The following PIK3CA variants were observed in gnomAD, a reference collection of about 807,000 sequenced individuals.
PIK3CA encodes phosphatidylinositol-4,5-bisphosphate 3-kinase catalytic subunit alpha.
Under a neutral mutation model 138.2 loss-of-function variants are expected in PIK3CA, and 27 were observed. The observed-to-expected ratio is 0.20, with a 90% CI of 0.14 to 0.27. The LOEUF is 0.27. PIK3CA is among the 10% of genes least tolerant of loss of function. The pLI is 1.00. For missense variants in PIK3CA, 544 were observed against 1,277.4 expected, an observed-to-expected ratio of 0.43 and a Z score of 8.75; for synonymous variants, 358 against 413.2, an observed-to-expected ratio of 0.87 and a Z score of 1.62.
At chr3:179,210,912 A>T (rs1381659922) in intron 9 of PIK3CA, among the ~76,000 whole-genome samples, 1 of 152,234 alleles carries the variant, frequency 6.6e-6, no homozygotes, top group Non-Finnish European at 1.5e-5. Flanking sequence ...AAGCAGAAAT[A>T]TAAGATTACA....
chr3:179,178,190 G>T (rs1406651291), intron 1 of PIK3CA, among the ~76,000 whole-genome samples: 3 of 145,968 alleles, frequency 2.1e-5, no homozygotes, highest in African/African-American at 7.6e-5. Context: ...GGAGCTTGAG[G>T]CTGTAGTAAG....
chr3:179,234,556 C>G lies in PIK3CA; in HGVS notation c.*192C>G, dbSNP rs1725290730. 4.9e-6 allele frequency: 2 copies of G among 404,106 alleles called. No individual in the cohort carries two copies. The highest frequency in any genetic ancestry group is 4.1e-5 in the African/African-American group (2 of 48,794). The allele number at this position is 404,106 out of a possible 1,614,324, so 25.0% of individuals were successfully genotyped here. ...CAAACAGGGTTTGATAGCACTTAAA[C>G]TAGTTCATTTCAAAATTAAGCTTTA... On this transcript the variant is annotated 3_prime_UTR_variant, in exon 21 of 21. Transcript: ENST00000263967. This position sits in a 1 kb window ranked among gnomAD's most constrained non-coding sequence, Gnocchi z 5.1.
intron 1 of PIK3CA, among the ~76,000 whole-genome samples, chr3:179,192,279 T>C (rs1724154966): frequency 6.6e-6 from 1 of 152,194 alleles, no homozygotes; most frequent in South Asian, 2.1e-4. Context: ...TCTAATAGCT[T>C]TCAAGTATGT....
chr3:179,224,993 A>T (rs1336466080), intron 16 of PIK3CA, among the ~76,000 whole-genome samples, 172 bp downstream of exon 16: 1 of 152,204 alleles, frequency 6.6e-6, no homozygotes, highest in Non-Finnish European at 1.5e-5. Flanking sequence ...TGTATAATCA[A>T]TGAAAAGAAA....
rs778573303 is a variant in PIK3CA, at chr3:179,201,515, A to G, written c.788A>G (p.Glu263Gly). 5 of 1,605,094 alleles carry G rather than the reference A, an allele frequency of 3.1e-6. No individual in the cohort carries two copies. The East Asian group carries it at 1.1e-4, about 36-fold the overall frequency. ...KVCGCDEYFL[E>G]KYPLSQYKYI... is the part of the protein sequence containing the mutation. ...TGTGGATGTGATGAATACTTCCTAG[A>G]AAAATATCCTCTGAGTCAGTATAAG... The change falls in exon 4 of 21, where the codon GAA (glutamate) becomes GGA (glycine). Residue 263 changes from glutamate (E) to glycine (G), a missense_variant. Transcript: ENST00000263967.
At chr3:179,232,125 ATTTAT>A (rs1725228188) in intron 20 of PIK3CA, among the ~76,000 whole-genome samples, 2 of 151,924 alleles carry the variant, frequency 1.3e-5, no homozygotes, top group Admixed American at 1.3e-4. Context: ...ATTAGGTCCC[ATTTAT>A]TTTGTTTGTT....
intron 1 of PIK3CA, among the ~76,000 whole-genome samples, chr3:179,178,356 A>C (rs1723756596): frequency 6.6e-6 from 1 of 152,066 alleles, no homozygotes; most frequent in South Asian, 2.1e-4. Flanking sequence ...GACATTTCAC[A>C]GAAGATATAC....
intron 1 of PIK3CA, among the ~76,000 whole-genome samples, chr3:179,177,825 A>G (rs900632693): frequency 6.6e-6 from 1 of 152,188 alleles, no homozygotes; most frequent in African/African-American, 2.4e-5. Context: ...GGTCTTATTC[A>G]TAGTTTTTGC....
chr3:179,209,339 C>T (rs572162973), intron 6 of PIK3CA, among the ~76,000 whole-genome samples: 47 of 152,164 alleles, frequency 3.1e-4, no homozygotes, highest in African/African-American at 1.1e-3. Context: ...CATCATCAGT[C>T]TTTATAGTTT....
At chr3:179,151,222 A>T (rs955792842) in intron 1 of PIK3CA, among the ~76,000 whole-genome samples, 2 of 152,236 alleles carry the variant, frequency 1.3e-5, no homozygotes, top group Admixed American at 6.5e-5. Context: ...CCGTAGACAG[A>T]GTGGTATTAC....
At chr3:179,225,791 T>C (rs1037827048) in intron 16 of PIK3CA, among the ~76,000 whole-genome samples, 171 bp from the exon 17 acceptor site, 3 of 152,142 alleles carry the variant, frequency 2.0e-5, no homozygotes, top group African/African-American at 7.2e-5. Flanking sequence ...AGTGGACATA[T>C]ACACTCATTT....
At chr3:179,184,666 A>G (rs1041337680) in intron 1 of PIK3CA, among the ~76,000 whole-genome samples, 3 of 152,186 alleles carry the variant, frequency 2.0e-5, no homozygotes, top group Non-Finnish European at 4.4e-5. Context: ...TGATAGCTTT[A>G]TTTATTGGAC....
Position 179,203,759 on chromosome 3 carries a change from C to T in PIK3CA, c.1029C>T (p.Tyr343=), listed in dbSNP as rs375577477. 101 of 1,609,724 alleles carry T rather than the reference C, an allele frequency of 6.3e-5. No homozygotes were observed. The highest frequency in any genetic ancestry group is 7.9e-5 in the Non-Finnish European group (93 of 1,177,848). ...GAATAAAAATTCTTTGTGCAACCTA[C>T]GTGAATGTAAATATTCGAGACATTG... The part of the protein sequence containing the change: ...ALRIKILCAT[Y]VNVNIRDIDK... Residue 343 remains tyrosine, a synonymous_variant, in exon 5 of 21, where the codon TAC becomes TAT. Transcript: ENST00000263967.
chr3:179,165,599 C>T (rs1042715914), intron 1 of PIK3CA, among the ~76,000 whole-genome samples: 4 of 152,138 alleles, frequency 2.6e-5, no homozygotes, highest in African/African-American at 9.7e-5. Flanking sequence ...ATGATCCTTA[C>T]GCATATGATC....
chr3:179,160,444 A>G (rs1723248041), intron 1 of PIK3CA, among the ~76,000 whole-genome samples: 1 of 152,196 alleles, frequency 6.6e-6, no homozygotes, highest in Admixed American at 6.5e-5. Context: ...TAATGTTCAT[A>G]CAACATGGCC....
Position 179,239,952 on chromosome 3 carries a change from C to T in PIK3CA, c.*5588C>T. On this transcript the variant is annotated 3_prime_UTR_variant, in exon 21 of 21. Coordinates refer to ENST00000263967, the MANE Select transcript of PIK3CA (RefSeq NM_006218.4). ...GTATCACTAAATTTAAGACCTCTTC[C>T]CAGTCTTGCTGTTCCTAGCAAGAAG... 1 of 1,204,586 alleles carries T rather than the reference C, an allele frequency of 8.3e-7. No homozygotes were observed. Among genetic ancestry groups the T allele is most frequent in the South Asian group, 1.4e-5 (1 of 72,286 alleles). 74.6% of individuals were successfully genotyped at this position (1,204,586 alleles called of 1,614,324 possible).
intron 1 of PIK3CA, among the ~76,000 whole-genome samples, chr3:179,167,984 T>C (rs1432047002): frequency 6.6e-6 from 1 of 152,184 alleles, no homozygotes; most frequent in African/African-American, 2.4e-5. Flanking sequence ...TGTATTGTTT[T>C]TCCTGAATAC....
chr3:179,203,231 C>T (rs530407359), intron 4 of PIK3CA, among the ~76,000 whole-genome samples: 2 of 152,214 alleles, frequency 1.3e-5, no homozygotes, highest in African/African-American at 4.8e-5. Context: ...TGAGCCACCA[C>T]GCCCGGCCGT....
At chr3:179,210,869 C>T (rs1724692505) in intron 9 of PIK3CA, among the ~76,000 whole-genome samples, 1 of 152,150 alleles carries the variant, frequency 6.6e-6, no homozygotes, top group Admixed American at 6.5e-5. Flanking sequence ...TGAGTATGCA[C>T]TCTAACTGTG....
Sources: gnomAD v4.1 joint callset for allele counts (sites outside exome capture counted in the v4.1 genomes callset) on GRCh38, gnomAD v4.1.1 for gene constraint, Gnocchi (gnomAD v3.1) non-coding constraint, MANE v1.5 for transcripts, NCBI Gene and HGNC (gene_info 2026-07-23, HGNC 2026-07-21) for gene names.